GPHN: variants seen among roughly 807,000 people sequenced by gnomAD.
GPHN encodes gephyrin.
A neutral mutation model predicts 95.5 loss-of-function variants in GPHN; 17 were observed. That is an observed-to-expected ratio of 0.18 (90% CI 0.12 to 0.27). GPHN has a LOEUF of 0.27. Ranked by LOEUF, GPHN falls within the 10% of genes least tolerant of loss-of-function variation. The pLI is 1.00. For synonymous variants in GPHN, 320 were observed against 322.5 expected (o/e 0.99, Z 0.08); for missense variants, 660 against 978.1 (o/e 0.67, Z 4.34).
At chr14:67,302,241 A>C in the GPHN span, 1 of 1,205,054 alleles carries the variant, frequency 8.3e-7, no homozygotes, top group Non-Finnish European at 1.1e-6. Context: ...TGTGGGGGAA[A>C]TGGTCAACTT....
intron 1 of GPHN, among the ~76,000 whole-genome samples, chr14:66,611,383 C>T (rs1272344995): frequency 3.9e-5 from 6 of 152,168 alleles, no homozygotes; most frequent in South Asian, 2.1e-4. Context: ...CACTGATATA[C>T]GTCCATTTTG....
At chr14:67,164,284 A>AAAC (rs1384817869) in intron 19 of GPHN, among the ~76,000 whole-genome samples, 9 of 151,546 alleles carry the variant, frequency 5.9e-5, no homozygotes, top group African/African-American at 2.2e-4. Flanking sequence ...AAAAAAAAAA[A>AAAC]AAAAAAAAAC....
chr14:66,508,393 C>T lies in GPHN; in HGVS notation c.-135C>T, dbSNP rs1489822816. ...CCACCGTGCACTCTGTGGCCTCCCC[C>T]TCCTTCCCCGCTCTCCTCGCGCTTC... On this transcript the variant is annotated 5_prime_UTR_variant, in exon 1 of 23. Transcript: ENST00000478722. 1 of 831,416 alleles carries T rather than the reference C, an allele frequency of 1.2e-6. No homozygotes were observed. The highest frequency in any genetic ancestry group is 1.3e-5 in the South Asian group (1 of 74,598). 51.5% of individuals were successfully genotyped at this position (831,416 alleles called of 1,614,324 possible).
chr14:67,572,181 C>T, the GPHN span: 17 of 1,607,982 alleles, frequency 1.1e-5, no homozygotes, highest in Middle Eastern at 1.6e-4. Flanking sequence ...ACGCCATCCC[C>T]CCGGACGCCT....
At chr14:66,873,150 T>A (rs2063514222) in intron 4 of GPHN, among the ~76,000 whole-genome samples, 1 of 152,092 alleles carries the variant, frequency 6.6e-6, no homozygotes, top group Admixed American at 6.5e-5. Context: ...GGGTGAGGCA[T>A]TGCCTCACAC....
At chr14:67,673,094 TA>T in the GPHN span, among the ~76,000 whole-genome samples, 2 of 152,182 alleles carry the variant, frequency 1.3e-5, no homozygotes, top group Non-Finnish European at 2.9e-5. Context: ...CCGCCCTATT[TA>T]AAACTGAAGT....
intron 2 of GPHN, among the ~76,000 whole-genome samples, chr14:66,701,992 T>C (rs181346491): frequency 2.6e-5 from 4 of 152,288 alleles, no homozygotes; most frequent in Admixed American, 2.0e-4. Context: ...TCCCAAGACA[T>C]GTCCTCCACA....
intron 5 of GPHN, among the ~76,000 whole-genome samples, chr14:66,886,408 A>G (rs1340759359): frequency 1.3e-5 from 2 of 152,162 alleles, no homozygotes; most frequent in African/African-American, 4.8e-5. Context: ...GAAGATTCAT[A>G]TTGTAGGCTA....
intron 8 of GPHN, among the ~76,000 whole-genome samples, chr14:66,939,019 C>T (rs1356560789): frequency 1.3e-5 from 2 of 152,136 alleles, no homozygotes; most frequent in African/African-American, 2.4e-5. Flanking sequence ...GAACTTTTAT[C>T]TAACACCATA....
At chr14:67,397,715 G>A in the GPHN span, 1 of 1,613,646 alleles carries the variant, frequency 6.2e-7, no homozygotes, top group Non-Finnish European at 8.5e-7. Context: ...CCATCCAGGA[G>A]GATCCGGCCC....
At chr14:67,061,320 G>A (rs531216968) in intron 11 of GPHN, among the ~76,000 whole-genome samples, 72 of 152,078 alleles carry the variant, frequency 4.7e-4, no homozygotes, top group Non-Finnish European at 7.5e-4. Flanking sequence ...ACAGGAGTGA[G>A]CCAATGCGCC....
the GPHN span, among the ~76,000 whole-genome samples, chr14:67,345,260 TA>T: frequency 7.0e-6 from 1 of 143,496 alleles, no homozygotes; most frequent in Non-Finnish European, 1.5e-5. Flanking sequence ...AATAAATTTT[TA>T]AATTAAAAGT....
At chr14:67,429,981 T>C in the GPHN span, among the ~76,000 whole-genome samples, 8 of 152,156 alleles carry the variant, frequency 5.3e-5, no homozygotes, top group African/African-American at 1.9e-4. Context: ...ATCACGTGGC[T>C]CATAAACTGT....
intron 4 of GPHN, among the ~76,000 whole-genome samples, chr14:66,845,819 C>CTGTGTGTGTGTGTGTGTG (rs367997271): frequency 7.9e-4 from 113 of 143,398 alleles, no homozygotes; most frequent in African/African-American, 2.6e-3. Flanking sequence ...ATACATGCCT[C>CTGTGTGTGTGTGTGTGTG]TGTGTGTGTG....
chr14:66,550,846 G>GTTT (rs528936386), intron 1 of GPHN, among the ~76,000 whole-genome samples: 15 of 151,192 alleles, frequency 9.9e-5, no homozygotes, highest in African/African-American at 2.7e-4. Flanking sequence ...TAGCAGTAAG[G>GTTT]TTTTTTTTTG....
the GPHN span, among the ~76,000 whole-genome samples, chr14:67,531,756 T>C: frequency 6.7e-6 from 1 of 149,680 alleles, no homozygotes; most frequent in Non-Finnish European, 1.5e-5. Flanking sequence ...TTTTTTTTTT[T>C]TTTTTGCTGG....
At chr14:67,077,505 C>G (rs1169574726) in intron 11 of GPHN, among the ~76,000 whole-genome samples, 2 of 152,160 alleles carry the variant, frequency 1.3e-5, no homozygotes, top group African/African-American at 4.8e-5. Flanking sequence ...AATGCCCAAC[C>G]AAACAAATTA....
the GPHN span, among the ~76,000 whole-genome samples, chr14:67,702,436 T>TA: frequency 4.2e-3 from 636 of 152,150 alleles, 2 homozygotes; most frequent in African/African-American, 0.013. Flanking sequence ...GTCTTACTTA[T>TA]AAAAAAAATC....
At chr14:67,070,125 A>G (rs72715331) in intron 11 of GPHN, among the ~76,000 whole-genome samples, 10,112 of 152,016 alleles carry the variant, frequency 0.067, 358 homozygotes, top group Middle Eastern at 0.085. Flanking sequence ...CTTTAGACTC[A>G]TCATTCCATG....
Sources: allele counts gnomAD v4.1 joint callset (sites outside exome capture counted in the v4.1 genomes callset), GRCh38; gene constraint gnomAD v4.1.1; transcripts MANE v1.5; gene names NCBI Gene and HGNC (gene_info 2026-07-23, HGNC 2026-07-21).